Variants in MYO10 observed in about 807,000 individuals in gnomAD.
The protein encoded by MYO10 is unconventional myosin-X.
A neutral mutation model predicts 257.3 loss-of-function variants in MYO10; 133 were observed. The ratio of observed to expected loss-of-function variants is 0.52; its 90% CI spans 0.45 to 0.60. The LOEUF (loss-of-function observed/expected upper bound fraction) is 0.60, where lower values mean the gene tolerates loss of function less well. Ranked by LOEUF, MYO10 falls within the 20% of genes least tolerant of loss-of-function variation. The pLI is 0.00. For synonymous variants in MYO10, 1,104 were observed against 1,028.6 expected (o/e 1.07, Z -1.40); for missense variants, 2,399 against 2,635.7 (o/e 0.91, Z 1.97).
chr5:16,731,748 T>G (rs945705573), intron 19 of MYO10, among the ~76,000 whole-genome samples: 3 of 152,234 alleles, frequency 2.0e-5, no homozygotes, highest in Non-Finnish European at 4.4e-5. Context: ...CTGGACAGCG[T>G]GGAGGGCATG....
At chr5:16,916,897 T>C (rs1029044053) in intron 1 of MYO10, among the ~76,000 whole-genome samples, 1 of 152,226 alleles carries the variant, frequency 6.6e-6, no homozygotes, top group Non-Finnish European at 1.5e-5. Flanking sequence ...AATAATTAGA[T>C]GACACGAAGA....
chr5:16,808,074 C>T (rs542538433), intron 3 of MYO10, among the ~76,000 whole-genome samples: 96 of 152,330 alleles, frequency 6.3e-4, no homozygotes, highest in African/African-American at 2.3e-3. Flanking sequence ...CACCACCAAT[C>T]CACCAAATAA....
Position 16,694,624 on chromosome 5 carries a change from G to A in MYO10, c.3557-10C>T, listed in dbSNP as rs770567080. ...GAGTTCATCAGGCCACCTGTTCCCC[G>A]TGAGATTGGGTAGAGAGGGGTGAAA... On this transcript the variant is annotated splice_polypyrimidine_tract_variant and intron_variant, in intron 26 of 40. Transcript: ENST00000513610. 22 of 1,612,962 alleles carry A rather than the reference G, an allele frequency of 1.4e-5. No individual in the cohort carries two copies. The highest frequency in any genetic ancestry group is 8.3e-5 in the Admixed American group (5 of 59,992).
chr5:16,751,646 TA>T (rs941034646), intron 19 of MYO10, among the ~76,000 whole-genome samples: 16 of 150,042 alleles, frequency 1.1e-4, no homozygotes, highest in Non-Finnish European at 2.1e-4. Flanking sequence ...CAAACCTGGC[TA>T]ATTTTTTTTT....
intron 2 of MYO10, among the ~76,000 whole-genome samples, chr5:16,841,132 C>T (rs1310425230): frequency 7.0e-6 from 1 of 142,504 alleles, no homozygotes; most frequent in Non-Finnish European, 1.5e-5. Context: ...GCAACAAGAG[C>T]GGAAATGCAT....
intron 26 of MYO10, among the ~76,000 whole-genome samples, chr5:16,698,968 C>G (rs1737898320): frequency 6.6e-6 from 1 of 151,996 alleles, no homozygotes; most frequent in African/African-American, 2.4e-5. Context: ...CCAATTCCAG[C>G]AGCAGCAGCA....
intron 19 of MYO10, among the ~76,000 whole-genome samples, chr5:16,727,098 T>C (rs1739398626): frequency 6.6e-6 from 1 of 152,182 alleles, no homozygotes; most frequent in South Asian, 2.1e-4. Flanking sequence ...ATAAAGTATC[T>C]CATTAATCAT....
chr5:16,684,955 G>A (rs1737179586), intron 29 of MYO10, among the ~76,000 whole-genome samples: 2 of 152,074 alleles, frequency 1.3e-5, no homozygotes, highest in Admixed American at 6.6e-5. Flanking sequence ...GCTGAGGCAG[G>A]AGAATTGCTT....
At chr5:16,748,748 A>G (rs1740292877) in intron 19 of MYO10, among the ~76,000 whole-genome samples, 1 of 152,162 alleles carries the variant, frequency 6.6e-6, no homozygotes, top group Non-Finnish European at 1.5e-5. Context: ...TGGAAACAAA[A>G]GGCTCATGCT....
intron 25 of MYO10, among the ~76,000 whole-genome samples, 200 bp downstream of exon 25, chr5:16,700,763 T>A (rs1176781674): frequency 6.6e-6 from 1 of 152,226 alleles, no homozygotes; most frequent in African/African-American, 2.4e-5. Flanking sequence ...GTGCTAAAAC[T>A]GAAACAGGCA....
At chr5:16,685,702 G>GACCCCCC in intron 29 of MYO10, 36 bp downstream of exon 29, 5 of 807,784 alleles carry the variant, frequency 6.2e-6, no homozygotes, top group Middle Eastern at 2.5e-4. Context: ...CCTGCCCCTA[G>GACCCCCC]ACGCCCCACC....
At chr5:16,835,502 T>TTTG (rs1554001249) in intron 2 of MYO10, among the ~76,000 whole-genome samples, 1 of 144,250 alleles carries the variant, frequency 6.9e-6, no homozygotes, top group Non-Finnish European at 1.5e-5. Flanking sequence ...GTTTTTTTTT[T>TTTG]TTTTTTTTTT....
intron 28 of MYO10, 57 bp downstream of exon 28, chr5:16,689,767 C>T: frequency 7.1e-7 from 1 of 1,403,142 alleles, no homozygotes; most frequent in Middle Eastern, 1.9e-4. Context: ...GTGATGCTCA[C>T]ACCTGTGCAT....
At chr5:16,858,914 T>G (rs150338942) in intron 2 of MYO10, among the ~76,000 whole-genome samples, 2 of 152,044 alleles carry the variant, frequency 1.3e-5, no homozygotes, top group African/African-American at 4.8e-5. Context: ...GCCGAGAGTA[T>G]GCCACTGTAC....
chr5:16,811,416 A>G (rs1028607532), intron 3 of MYO10, among the ~76,000 whole-genome samples: 1 of 152,224 alleles, frequency 6.6e-6, no homozygotes, highest in East Asian at 1.9e-4. Flanking sequence ...TAATTTCTGC[A>G]CATTCCCCAG....
intron 3 of MYO10, among the ~76,000 whole-genome samples, chr5:16,801,191 A>AT (rs977856753): frequency 5.9e-5 from 9 of 152,026 alleles, no homozygotes; most frequent in Admixed American, 1.3e-4. Flanking sequence ...GCTGCTCCTG[A>AT]TTTTTAAAGA....
At chr5:16,674,593 G>A (rs1736635866) in intron 35 of MYO10, among the ~76,000 whole-genome samples, 1 of 147,972 alleles carries the variant, frequency 6.8e-6, no homozygotes, top group Admixed American at 6.7e-5. Flanking sequence ...ATATAGAGCA[G>A]TGGTAATTAA....
intron 2 of MYO10, among the ~76,000 whole-genome samples, chr5:16,870,557 T>C (rs1744424146): frequency 6.6e-6 from 1 of 151,066 alleles, no homozygotes; most frequent in Admixed American, 6.6e-5. Context: ...CTAATAGTTT[T>C]GTAAACTCTT....
chr5:16,874,353 G>C lies in MYO10; in HGVS notation c.120+3256C>G, dbSNP rs1193626335. Among the ~76,000 whole-genome samples the C allele has an allele frequency of 7.3e-5, 8 of 109,350 alleles. 2 individuals are homozygous for C. Among genetic ancestry groups the C allele is most frequent in the Admixed American group, 5.9e-4 (6 of 10,142 alleles). The allele number at this position is 109,350 out of a possible 152,430, so 71.7% of individuals were successfully genotyped here. A position where few individuals can be genotyped will look rare whatever the true frequency, so the allele number is the denominator to read the frequency against. ...CATCTAAAAAAAAAAGCGGGGGGGG[G>C]GGGGGGTTTCTTTTCTATCACATAG... is the stretch of plus-strand genomic sequence containing the variant. On this transcript the variant is annotated intron_variant, in intron 2 of 40. Transcript: ENST00000513610.
Sources: gnomAD v4.1 joint callset for allele counts (sites outside exome capture counted in the v4.1 genomes callset) on GRCh38, gnomAD v4.1.1 for gene constraint, MANE v1.5 for transcripts, NCBI Gene and HGNC (gene_info 2026-07-23, HGNC 2026-07-21) for gene names.